The following RIMKLB variants were observed in gnomAD, a reference collection of about 807,000 sequenced individuals.
RIMKLB encodes the protein ribosomal modification protein rimK like family member B.
RIMKLB carries 7 observed loss-of-function variants against 32.0 expected under a neutral mutation model. That is an observed-to-expected ratio of 0.22 (90% CI 0.12 to 0.41). The LOEUF is 0.41. Ranked by LOEUF, RIMKLB falls within the 10% of genes least tolerant of loss-of-function variation. The pLI, the probability that RIMKLB is intolerant of heterozygous loss-of-function variation, is 1.00. For missense variants in RIMKLB, 289 were observed against 498.7 expected (o/e 0.58, Z 4.00); for synonymous variants, 172 against 185.1 (o/e 0.93, Z 0.57).
chr12:8,677,361 C>T (rs915597685), upstream of RIMKLB, among the ~76,000 whole-genome samples: 3 of 152,114 alleles, frequency 2.0e-5, no homozygotes, highest in Non-Finnish European at 4.4e-5. Flanking sequence ...TAACTTGAGT[C>T]CCAGCACATA....
upstream of RIMKLB, among the ~76,000 whole-genome samples, chr12:8,678,026 C>A (rs1204518780): frequency 1.3e-5 from 2 of 151,482 alleles, no homozygotes; most frequent in Non-Finnish European, 2.9e-5. Flanking sequence ...CAACAATCAG[C>A]TCACCTTAGC....
chr12:8,695,389 CTG>C (rs1205883360), upstream of RIMKLB, among the ~76,000 whole-genome samples: 3 of 152,152 alleles, frequency 2.0e-5, no homozygotes, highest in African/African-American at 7.2e-5. Context: ...AAGATTATGA[CTG>C]AATGTATGTA....
intron 2 of RIMKLB, 151 bp downstream of exon 2, chr12:8,714,192 T>G (rs1320648198): frequency 1.7e-6 from 1 of 602,938 alleles, no homozygotes; most frequent in African/African-American, 1.9e-5. Context: ...ATGAAAGTAA[T>G]ATAAACACTA....
chr12:8,700,062 A>T (rs1186820595), intron 1 of RIMKLB: 1 of 152,206 alleles, frequency 6.6e-6, no homozygotes, highest in African/African-American at 2.4e-5. Flanking sequence ...TTTTGTCAGT[A>T]GTAGTATCTA....
intron 2 of RIMKLB, among the ~76,000 whole-genome samples, chr12:8,729,739 T>G (rs1304212578): frequency 6.6e-6 from 1 of 152,154 alleles, no homozygotes; most frequent in Non-Finnish European, 1.5e-5. Flanking sequence ...GTACTAGAAT[T>G]ACAGGCATGA....
At chr12:8,704,971 A>AACACACACACACACACAC (rs3076182) in intron 1 of RIMKLB, among the ~76,000 whole-genome samples, 153 of 146,666 alleles carry the variant, frequency 1.0e-3, no homozygotes, top group African/African-American at 2.7e-3. Flanking sequence ...TCACCTCTAA[A>AACACACACACACACACAC]ACACACACAC....
At chr12:8,715,097 C>T (rs1035178804) in intron 2 of RIMKLB, among the ~76,000 whole-genome samples, 1 of 152,104 alleles carries the variant, frequency 6.6e-6, no homozygotes, top group African/African-American at 2.4e-5. Flanking sequence ...AGTATAATCT[C>T]TTAGCAAGCA....
Position 8,775,032 on chromosome 12 carries a change from T to C in RIMKLB, c.*1248T>C, listed in dbSNP as rs1950650645. On this transcript the variant is annotated 3_prime_UTR_variant, in exon 6 of 6. Transcript: ENST00000535829. ...TTTTCATAAGTAGACTCCACTGGGG[T>C]AGAGGTATTCACCTTAAAACATAGG... is the stretch of plus-strand genomic sequence containing the variant. 4.1e-6 allele frequency: 4 copies of C among 985,776 alleles called. No homozygotes were observed. Among genetic ancestry groups the C allele is most frequent in the Non-Finnish European group, 3.6e-6 (3 of 829,882 alleles). 61.1% of individuals were successfully genotyped at this position (985,776 alleles called of 1,614,324 possible). A position where few individuals can be genotyped will look rare whatever the true frequency, so the allele number is the denominator to read the frequency against.
chr12:8,761,272 CAA>C lies in RIMKLB; in HGVS notation c.697+7197_697+7198del, dbSNP rs35464055. Among the ~76,000 whole-genome samples, 48 of 55,866 alleles carry C rather than the reference CAA, an allele frequency of 8.6e-4. 1 individual carries two copies. Among genetic ancestry groups the C allele is most frequent in the Admixed American group, 2.9e-3 (14 of 4,750 alleles). 36.7% of individuals were successfully genotyped at this position (55,866 alleles called of 152,430 possible). A position where few individuals can be genotyped will look rare whatever the true frequency, so the allele number is the denominator to read the frequency against. ...AGACGAGAGGGTGAGGGGGAGATAG[CAA>C]AAAAAAAAAAAAAAAAAGAATTTGT... On this transcript the variant is annotated intron_variant, in intron 5 of 5. Transcript: ENST00000535829.
chr12:8,718,535 C>T (rs532290326), intron 2 of RIMKLB, among the ~76,000 whole-genome samples: 2 of 152,248 alleles, frequency 1.3e-5, no homozygotes, highest in South Asian at 4.1e-4. Context: ...CCCAGCTACT[C>T]AGGAGGCTGA....
chr12:8,712,502 T>G (rs2136937452), intron 1 of RIMKLB, among the ~76,000 whole-genome samples: 1 of 152,342 alleles, frequency 6.6e-6, no homozygotes, highest in South Asian at 2.1e-4. Flanking sequence ...CATAGTTCCT[T>G]CCTAGCATGT....
intron 2 of RIMKLB, among the ~76,000 whole-genome samples, chr12:8,739,167 C>G (rs1015952086): frequency 3.9e-5 from 6 of 152,104 alleles, no homozygotes; most frequent in Admixed American, 2.6e-4. Flanking sequence ...TTCTGTTGTT[C>G]TGAAGAACAG....
At chr12:8,733,952 A>G (rs1002299682) in intron 2 of RIMKLB, among the ~76,000 whole-genome samples, 2 of 152,166 alleles carry the variant, frequency 1.3e-5, no homozygotes, top group African/African-American at 4.8e-5. Flanking sequence ...CTGAGTGTCT[A>G]CTATATATTG....
intron 1 of RIMKLB, among the ~76,000 whole-genome samples, chr12:8,704,382 C>CAAA (rs536532279): frequency 1.2e-3 from 157 of 126,714 alleles, no homozygotes; most frequent in African/African-American, 4.1e-3. Context: ...GACCCTGTCT[C>CAAA]AAAAAAAAAA....
At chr12:8,734,191 G>C (rs768493836) in intron 2 of RIMKLB, among the ~76,000 whole-genome samples, 1 of 152,176 alleles carries the variant, frequency 6.6e-6, no homozygotes, top group African/African-American at 2.4e-5. Flanking sequence ...AAAGAAAGGA[G>C]CCTAAATCTG....
chr12:8,703,165 A>G (rs981714308), intron 1 of RIMKLB, among the ~76,000 whole-genome samples: 2 of 152,138 alleles, frequency 1.3e-5, no homozygotes, highest in East Asian at 3.9e-4. Context: ...ACGTGCCTGT[A>G]ATTTCAGCTA....
rs751989687 is a variant in RIMKLB at position 8,773,478 on chromosome 12, C to T, written c.855C>T (p.Ile285=). The T allele has an allele frequency of 8.1e-6, 13 of 1,614,084 alleles. No individual in the cohort carries two copies. Among genetic ancestry groups the T allele is most frequent in the South Asian group, 1.1e-5 (1 of 91,086 alleles). Residue 285 remains isoleucine (I), a synonymous_variant, in exon 6 of 6, where the codon ATC becomes ATT. Transcript: ENST00000535829. ...VCEANANVGF[I]AFDKACNLDV... ...AGGCCAATGCAAATGTAGGTTTCAT[C>T]GCCTTTGATAAGGCTTGTAATCTAG...
chr12:8,710,082 A>G (rs920342627), intron 1 of RIMKLB, among the ~76,000 whole-genome samples: 1 of 151,646 alleles, frequency 6.6e-6, no homozygotes, highest in African/African-American at 2.4e-5. Context: ...GACTTCCCAG[A>G]TTCAAGTGAT....
chr12:8,750,100 T>G lies in RIMKLB; in HGVS notation c.406+8T>G. 1 of 1,555,336 alleles carries G rather than the reference T, an allele frequency of 6.4e-7. No homozygotes were observed. Among genetic ancestry groups the G allele is most frequent in the Non-Finnish European group, 8.9e-7 (1 of 1,127,136 alleles). On this transcript the variant is annotated splice_region_variant and intron_variant, in intron 3 of 5. Coordinates refer to ENST00000535829, the MANE Select transcript of RIMKLB (RefSeq NM_001297776.2). ...CGGATACTTTCTCTTATGGTGAGCCTACTAAAGAGCATACATAGCCTGAAT... is the reference window on the plus strand; with the variant it reads ...CGGATACTTTCTCTTATGGTGAGCCGACTAAAGAGCATACATAGCCTGAAT...
Sources: allele counts gnomAD v4.1 joint callset (sites outside exome capture counted in the v4.1 genomes callset), GRCh38; gene constraint gnomAD v4.1.1; transcripts MANE v1.5; gene names NCBI Gene and HGNC (gene_info 2026-07-23, HGNC 2026-07-21).